The following PANX1 variants were observed in gnomAD, a reference collection of about 807,000 sequenced individuals.
PANX1 encodes the protein pannexin-1.
In PANX1, 30 loss-of-function variants were observed where a neutral mutation model predicts 38.7. That is an observed-to-expected ratio of 0.78 (90% CI 0.58 to 1.05). The LOEUF is 1.05. Among genes scored for constraint, PANX1 ranks in the 50% least tolerant of loss-of-function variants. The probability of loss-of-function intolerance (pLI) is 0.00; values close to 1 mark genes in which losing one functional copy is unlikely to be tolerated. For synonymous variants in PANX1, 230 were observed against 212.2 expected (o/e 1.08, Z -0.73); for missense variants, 551 against 517.2 (o/e 1.07, Z -0.63).
intron 1 of PANX1, among the ~76,000 whole-genome samples, chr11:94,135,561 A>C (rs1946678881): frequency 6.6e-6 from 1 of 152,208 alleles, no homozygotes; most frequent in Admixed American, 6.5e-5. Context: ...GTCTCATGGC[A>C]TAGGTCCTAT....
At chr11:94,177,751 C>T (rs1947251695) in intron 2 of PANX1, among the ~76,000 whole-genome samples, 1 of 150,988 alleles carries the variant, frequency 6.6e-6, no homozygotes, top group African/African-American at 2.4e-5. Context: ...CCTCTCTGAG[C>T]CCAAGTTTAT....
At chr11:94,147,584 C>T (rs116132092) in intron 1 of PANX1, among the ~76,000 whole-genome samples, 18 of 152,228 alleles carry the variant, frequency 1.2e-4, no homozygotes, top group African/African-American at 4.3e-4. Context: ...CATCTCCAGC[C>T]CAGCCTCCTT....
chr11:94,136,091 A>G (rs1946685604), intron 1 of PANX1, among the ~76,000 whole-genome samples: 1 of 152,322 alleles, frequency 6.6e-6, no homozygotes, highest in South Asian at 2.1e-4. Context: ...TCCTCCCAGC[A>G]TTAAAAGGAA....
intron 2 of PANX1, among the ~76,000 whole-genome samples, chr11:94,157,556 T>C (rs1946968543): frequency 6.6e-6 from 1 of 152,206 alleles, no homozygotes; most frequent in Non-Finnish European, 1.5e-5. Context: ...TGTCTGTTCA[T>C]GTCCTTCGCC....
In PANX1 at chr11:94,179,614, A is replaced by G. The variant is rs776460386; in HGVS notation, c.558A>G (p.Val186=). 2.5e-6 allele frequency: 4 copies of G among 1,613,092 alleles called. No individual in the cohort carries two copies. In the South Asian group the frequency reaches 4.4e-5, roughly 18 times the overall value. The change falls in exon 4 of 5, where the codon GTA becomes GTG. Residue 186 remains valine, a synonymous_variant. Coordinates refer to ENST00000227638, the MANE Select transcript of PANX1 (RefSeq NM_015368.4). ...TENLGQSLWE[V]SESHFKYPIV... ...CTTTATTTTTTAGTTTGTGGGAGGT[A>G]TCTGAAAGCCACTTCAAGTACCCAA...
At chr11:94,157,430 T>A (rs1024910383) in intron 2 of PANX1, among the ~76,000 whole-genome samples, 1 of 152,240 alleles carries the variant, frequency 6.6e-6, no homozygotes, top group African/African-American at 2.4e-5. Flanking sequence ...ATCGCCATTC[T>A]AACTGGTGTG....
At chr11:94,142,541 G>C (rs1008194039) in intron 1 of PANX1, among the ~76,000 whole-genome samples, 1 of 152,150 alleles carries the variant, frequency 6.6e-6, no homozygotes, top group Non-Finnish European at 1.5e-5. Context: ...TTCTTGCGCT[G>C]TTTTCCAAGC....
In PANX1 at chr11:94,153,346, G is replaced by C. The variant is rs1946907752; in HGVS notation, c.182-145G>C. On this transcript the variant is annotated intron_variant, in intron 1 of 4. Coordinates refer to ENST00000227638, the MANE Select transcript of PANX1 (RefSeq NM_015368.4). ...TGATCTTTTGTTTTAATATGAACTT[G>C]GGTGTTTGTTTTTAGTTCTGTCCTA... is the stretch of plus-strand genomic sequence containing the variant. 1.6e-5 allele frequency: 12 copies of C among 738,726 alleles called. No homozygotes were observed. In the East Asian group the frequency reaches 2.9e-4, roughly 18 times the overall value. The allele number at this position is 738,726 out of a possible 1,614,324, so 45.8% of individuals were successfully genotyped here.
rs2134468198 is a variant in PANX1 at position 94,129,471 on chromosome 11, C to T, written c.159C>T (p.Ala53=). 6.2e-7 allele frequency: 1 copy of T among 1,612,716 alleles called. No homozygotes were observed. The highest frequency in any genetic ancestry group is 8.5e-7 in the Non-Finnish European group (1 of 1,179,144). The change falls in exon 1 of 5, where the codon GCC becomes GCT. Residue 53 remains alanine, a synonymous_variant. Coordinates refer to ENST00000227638, the MANE Select transcript of PANX1 (RefSeq NM_015368.4). ...TGCCCCTGCTGCTCATCTCGCTGGC[C>T]TTCGCGCAGGAGATCTCGATTGGTA... ...VGLPLLLISL[A]FAQEISIGTQ...
chr11:94,179,520 A>G (rs1224809484), intron 3 of PANX1, 82 bp from the exon 4 acceptor site: 1 of 976,048 alleles, frequency 1.0e-6, no homozygotes, highest in Admixed American at 2.4e-5. Context: ...TTTTAGTGTG[A>G]CATTGTTGAA....
At chr11:94,139,983 T>C (rs1422951653) in intron 1 of PANX1, among the ~76,000 whole-genome samples, 1 of 152,252 alleles carries the variant, frequency 6.6e-6, no homozygotes, top group Non-Finnish European at 1.5e-5. Context: ...CCTCAATTTA[T>C]AGCTGGTTGG....
chr11:94,161,084 C>T (rs574475260), intron 2 of PANX1, among the ~76,000 whole-genome samples: 18 of 152,184 alleles, frequency 1.2e-4, no homozygotes, highest in Admixed American at 3.9e-4. Flanking sequence ...GAGTTTCTGC[C>T]GAGAAATCAG....
At chr11:94,157,266 T>C (rs1946961884) in intron 2 of PANX1, among the ~76,000 whole-genome samples, 2 of 152,202 alleles carry the variant, frequency 1.3e-5, no homozygotes, top group Admixed American at 1.3e-4. Flanking sequence ...CTGGGATGGC[T>C]GGGTCAAATG....
At chr11:94,157,888 G>A (rs866919048) in intron 2 of PANX1, among the ~76,000 whole-genome samples, 1 of 152,184 alleles carries the variant, frequency 6.6e-6, no homozygotes, top group Non-Finnish European at 1.5e-5. Flanking sequence ...TAAGATTTAA[G>A]TCTTTAATCC....
intron 2 of PANX1, among the ~76,000 whole-genome samples, chr11:94,173,383 C>A (rs1259264286): frequency 1.3e-5 from 2 of 151,524 alleles, no homozygotes; most frequent in Admixed American, 6.6e-5. Flanking sequence ...CAGCTAGATT[C>A]TTTTCCTTTA....
intron 1 of PANX1, among the ~76,000 whole-genome samples, chr11:94,131,492 A>G (rs1946629090): frequency 1.3e-5 from 2 of 152,224 alleles, no homozygotes; most frequent in Non-Finnish European, 2.9e-5. Context: ...GTTGGGCACT[A>G]GAAGGTATCT....
rs1947279476 is a variant in PANX1, at chr11:94,179,640, T to C, written c.584T>C (p.Ile195Thr). The C allele has an allele frequency of 2.5e-6, 4 of 1,613,676 alleles. No homozygotes were observed. The highest frequency in any genetic ancestry group is 2.5e-6 in the Non-Finnish European group (3 of 1,179,720). Residue 195 changes from isoleucine (I) to threonine (T), a missense_variant, in exon 4 of 5, where the codon ATT (isoleucine) becomes ACT (threonine). Physicochemically the swap from Ile to Thr is moderately conservative, Grantham distance 89 (BLOSUM62 -1). Coordinates refer to ENST00000227638, the MANE Select transcript of PANX1 (RefSeq NM_015368.4). ...EVSESHFKYP[I>T]VEQYLKTKKN... is the part of the protein sequence containing the mutation. Reference sequence around the variant, plus strand: ...TCTGAAAGCCACTTCAAGTACCCAATTGTGGAGCAGTACTTGAAGACAAAG... The same window carrying C: ...TCTGAAAGCCACTTCAAGTACCCAACTGTGGAGCAGTACTTGAAGACAAAG...
intron 2 of PANX1, among the ~76,000 whole-genome samples, chr11:94,160,757 A>G (rs1947019480): frequency 6.6e-6 from 1 of 152,154 alleles, no homozygotes; most frequent in African/African-American, 2.4e-5. Context: ...TGTGAATGTG[A>G]TCCTGTCATT....
At chr11:94,172,774 T>C (rs1324487388) in intron 2 of PANX1, among the ~76,000 whole-genome samples, 1 of 151,754 alleles carries the variant, frequency 6.6e-6, no homozygotes, top group African/African-American at 2.4e-5. Context: ...CCTTGCCTCA[T>C]AGGACAATTC....
Sources: allele counts gnomAD v4.1 joint callset (sites outside exome capture counted in the v4.1 genomes callset), GRCh38; gene constraint gnomAD v4.1.1; transcripts MANE v1.5; gene names NCBI Gene and HGNC (gene_info 2026-07-23, HGNC 2026-07-21).